GLB1L: variants seen among roughly 807,000 people sequenced by gnomAD.
GLB1L encodes the protein galactosidase beta 1 like, also known as beta-galactosidase-1-like protein.
Under a neutral mutation model 75.7 loss-of-function variants are expected in GLB1L, and 58 were observed. The ratio of observed to expected loss-of-function variants is 0.77; its 90% CI spans 0.62 to 0.95. The LOEUF is 0.95. Ranked by LOEUF, GLB1L falls within the 40% of genes least tolerant of loss-of-function variation. GLB1L has a pLI of 0.00. For missense variants in GLB1L, 797 were observed against 805.5 expected, an observed-to-expected ratio of 0.99 and a Z score of 0.13; for synonymous variants, 296 against 303.0, an observed-to-expected ratio of 0.98 and a Z score of 0.24.
intron 5 of GLB1L, among the ~76,000 whole-genome samples, chr2:219,241,166 G>C (rs978202326): frequency 2.0e-5 from 3 of 151,862 alleles, no homozygotes; most frequent in Non-Finnish European, 4.4e-5. Flanking sequence ...AGATCACGAG[G>C]TCAGGAGATC....
chr2:219,244,528 C>T (rs1951481394), intron 1 of GLB1L, among the ~76,000 whole-genome samples: 1 of 152,184 alleles, frequency 6.6e-6, no homozygotes, highest in Non-Finnish European at 1.5e-5. Flanking sequence ...GCCATTCCCT[C>T]CTGGCCATTC....
intron 5 of GLB1L, among the ~76,000 whole-genome samples, chr2:219,240,712 C>A (rs1216417151): frequency 1.3e-5 from 2 of 151,954 alleles, no homozygotes; most frequent in Non-Finnish European, 2.9e-5. Context: ...CCACTGCACT[C>A]CAGCCTGGGC....
At chr2:219,244,064 AC>A (rs1951468787) in intron 1 of GLB1L, 1 of 156,408 alleles carries the variant, frequency 6.4e-6, no homozygotes, top group Admixed American at 6.3e-5. Context: ...AATTGCTTGA[AC>A]CCGGAAGGCG....
rs1400644178 is a variant in GLB1L, at chr2:219,243,332, C to T, written c.73-18G>A. The T allele has an allele frequency of 1.9e-6, 3 of 1,588,284 alleles. No individual in the cohort carries two copies. The highest frequency in any genetic ancestry group is 4.5e-5 in the East Asian group (2 of 44,418). ...GTGTCTGCCTATAAAGAGAAAGAGA[C>T]GCTGCTCAGCAGACGCCTGGAGGGA... On this transcript the variant is annotated intron_variant, in intron 2 of 16. Coordinates refer to ENST00000295759, the MANE Select transcript of GLB1L (RefSeq NM_001286423.2).
Position 219,238,068 on chromosome 2 carries a change from C to T in GLB1L, c.1342-111G>A. ...TGGAGGGCAGAGAGAATGTAGCCATCTATCACCCATCTATTCTAGAATTCT... is the reference window on the plus strand; with the variant it reads ...TGGAGGGCAGAGAGAATGTAGCCATTTATCACCCATCTATTCTAGAATTCT... On this transcript the variant is annotated intron_variant, in intron 14 of 16. Transcript: ENST00000295759. 2.6e-6 allele frequency: 3 copies of T among 1,167,578 alleles called. No individual in the cohort carries two copies. In the African/African-American group the frequency reaches 4.6e-5, roughly 18 times the overall value. The allele number at this position is 1,167,578 out of a possible 1,614,324, so 72.3% of individuals were successfully genotyped here.
rs772620588 is a variant in GLB1L at position 219,243,147 on chromosome 2, C to A, written c.239+1G>T. 3.1e-6 allele frequency: 5 copies of A among 1,603,946 alleles called. No individual in the cohort carries two copies. The highest frequency in any genetic ancestry group is 2.2e-5 in the East Asian group (1 of 44,728). On this transcript the variant is annotated splice_donor_variant, in intron 3 of 16. Coordinates refer to ENST00000295759, the MANE Select transcript of GLB1L (RefSeq NM_001286423.2). LOFTEE classifies it high-confidence loss of function. ...CCGCGGCTCTTGCGAGCACTTCTTA[C>A]AACTGTATGGCGTTGAGGCCGCTCC...
rs1422406714 is a variant in GLB1L at position 219,243,138 on chromosome 2, CACTTCTT to C, written c.239+3_239+9del. 2 of 1,587,274 alleles carry C rather than the reference CACTTCTT, an allele frequency of 1.3e-6. No individual in the cohort carries two copies. Among genetic ancestry groups the C allele is most frequent in the Non-Finnish European group, 1.7e-6 (2 of 1,164,954 alleles). ...CCCATCCCTCCGCGGCTCTTGCGAG[CACTTCTT>C]ACAACTGTATGGCGTTGAGGCCGCT... On this transcript the variant is annotated splice_donor_5th_base_variant and intron_variant, in intron 3 of 16. Coordinates refer to ENST00000295759, the MANE Select transcript of GLB1L (RefSeq NM_001286423.2).
rs755593846 is a variant in GLB1L at position 219,243,545 on chromosome 2, C to G, written c.29G>C (p.Arg10Pro). 49 of 1,614,090 alleles carry G rather than the reference C, an allele frequency of 3.0e-5. No homozygotes were observed. The Middle Eastern group carries it at 1.2e-3, about 38-fold the overall frequency. Residue 10 changes from arginine to proline, a missense_variant, in exon 2 of 17, where the codon CGT (arginine) becomes CCT (proline). Arg to Pro is a moderately radical substitution (Grantham distance 103). Coordinates refer to ENST00000295759, the MANE Select transcript of GLB1L (RefSeq NM_001286423.2). ...CAGGCTGAGCGGCAGCAGCAGGGAA[C>G]GAAGGCAGGACAGCTTCTTGGGAGC... MAPKKLSCL[R>P]SLLLPLSLTL...
At position 219,243,244 on chromosome 2, in the gene GLB1L, T is replaced by C. The variant is rs563997081; in HGVS notation, c.143A>G (p.Tyr48Cys). The C allele has an allele frequency of 9.5e-5, 154 of 1,614,014 alleles. 3 individuals carry two copies. In the South Asian group the frequency reaches 1.6e-3, roughly 17 times the overall value. Residue 48 changes from tyrosine (Y) to cysteine (C), a missense_variant, in exon 3 of 17, where the codon TAT becomes TGT. Coordinates refer to ENST00000295759, the MANE Select transcript of GLB1L (RefSeq NM_001286423.2). ...RFLLDGAPFR[Y>C]VSGSLHYFRV... ...AAAGTAGTGCAGGCTGCCAGACACA[T>C]AGCGGAACGGGGCCCCGTCTAGGAG...
At chr2:219,239,252 A>G in intron 10 of GLB1L, 42 bp from the exon 11 acceptor site, 2 of 1,548,628 alleles carry the variant, frequency 1.3e-6, no homozygotes, top group Non-Finnish European at 1.8e-6. Flanking sequence ...TGTATTTCAG[A>G]TGACAGGCAC....
chr2:219,240,745 A>AAAAC (rs994590883), intron 5 of GLB1L, among the ~76,000 whole-genome samples: 1 of 151,650 alleles, frequency 6.6e-6, no homozygotes, highest in Non-Finnish European at 1.5e-5. Context: ...ACTCCATCTC[A>AAAAC]AAACAAACAA....
chr2:219,240,362 T>C, intron 5 of GLB1L, 77 bp from the exon 6 acceptor site: 1 of 1,186,618 alleles, frequency 8.4e-7, no homozygotes, highest in Non-Finnish European at 1.3e-6. Context: ...AAGCAATGAC[T>C]CTTGTCAAGA....
In GLB1L at chr2:219,243,129, T is replaced by C; in HGVS notation, c.239+19A>G. ...AAAGTAGATCCCATCCCTCCGCGGC[T>C]CTTGCGAGCACTTCTTACAACTGTA... On this transcript the variant is annotated intron_variant, in intron 3 of 16. Transcript: ENST00000295759. The C allele has an allele frequency of 6.3e-7, 1 of 1,585,160 alleles. No homozygotes were observed. Among genetic ancestry groups the C allele is most frequent in the Non-Finnish European group, 8.6e-7 (1 of 1,162,858 alleles).
rs1158123489 is a variant in GLB1L, at chr2:219,237,174, C to T, written c.1863G>A (p.Lys621=). 12 of 1,614,000 alleles carry T rather than the reference C, an allele frequency of 7.4e-6. No individual in the cohort carries two copies. The highest frequency in any genetic ancestry group is 8.5e-6 in the Non-Finnish European group (10 of 1,179,996). The change falls in exon 17 of 17, where the codon AAG becomes AAA. Residue 621 remains lysine, a synonymous_variant. Coordinates refer to ENST00000295759, the MANE Select transcript of GLB1L (RefSeq NM_001286423.2). ...PLQPQVQFLD[K]PILNSTSTLH... The stretch of plus-strand genomic sequence containing the variant: ...AAGTACTAGTGCTATTGAGGATAGG[C>T]TTATCCAAAAATTGGACTTGGGGCT...
Position 219,239,182 on chromosome 2 carries a change from C to G in GLB1L, c.972G>C (p.Pro324=). The G allele has an allele frequency of 1.2e-6, 2 of 1,613,684 alleles. No homozygotes were observed. Among genetic ancestry groups the G allele is most frequent in the South Asian group, 1.1e-5 (1 of 91,036 alleles). The change falls in exon 11 of 17, where the codon CCG becomes CCC. Residue 324 remains proline, a synonymous_variant. Coordinates refer to ENST00000295759, the MANE Select transcript of GLB1L (RefSeq NM_001286423.2). ...NGADKKGRFL[P]ITTSYDYDAP... ...CATCATAGTCATAGCTGGTAGTAATCGGAAGGAAGCGTCCCTTCTTATCGG... is the reference window on the plus strand; with the variant it reads ...CATCATAGTCATAGCTGGTAGTAATGGGAAGGAAGCGTCCCTTCTTATCGG...
intron 5 of GLB1L, among the ~76,000 whole-genome samples, chr2:219,241,434 G>GTATATATATATATATATATA (rs1392771177): frequency 4.8e-5 from 4 of 82,980 alleles, no homozygotes; most frequent in Admixed American, 3.1e-4. Context: ...GTGTGTGTGT[G>GTATATATATATATATATATA]TGTGTGTGTA....
At chr2:219,243,366 G>C (rs1482752595) in intron 2 of GLB1L, 52 bp from the exon 3 acceptor site, 1 of 1,591,448 alleles carries the variant, frequency 6.3e-7, no homozygotes, top group Non-Finnish European at 8.6e-7. Context: ...GAGCGTCGAG[G>C]GTCAGCGCCT....
chr2:219,243,430 G>A, intron 2 of GLB1L, 72 bp downstream of exon 2: 1 of 1,600,676 alleles, frequency 6.2e-7, no homozygotes, highest in Non-Finnish European at 8.6e-7. Flanking sequence ...TTGTTACTTT[G>A]GACTTTCTCT....
At position 219,237,934 on chromosome 2, in the gene GLB1L, T is replaced by G. The variant is rs774022615; in HGVS notation, c.1365A>C (p.Arg455=). ...VDGVFQGVVE[R]NMRDKLFLTG... ...TCAAAAATAGTTTGTCTCTCATATT[T>G]CGCTCCACAACACCCTGGAACACCT... Residue 455 remains arginine (R), a synonymous_variant, in exon 15 of 17, where the codon CGA becomes CGC. Transcript: ENST00000295759. 6 of 1,614,154 alleles carry G rather than the reference T, an allele frequency of 3.7e-6. No homozygotes were observed. The highest frequency in any genetic ancestry group is 5.1e-6 in the Non-Finnish European group (6 of 1,180,022).
Sources: gnomAD v4.1 joint callset for allele counts (sites outside exome capture counted in the v4.1 genomes callset) on GRCh38, gnomAD v4.1.1 for gene constraint, MANE v1.5 for transcripts, NCBI Gene and HGNC (gene_info 2026-07-23, HGNC 2026-07-21) for gene names.